Variants in CABIN1 observed in about 807,000 individuals in gnomAD.
CABIN1 encodes calcineurin binding protein 1.
A neutral mutation model predicts 227.7 loss-of-function variants in CABIN1; 133 were observed. That is an observed-to-expected ratio of 0.58 (90% CI 0.51 to 0.67). The LOEUF is 0.67. Among genes scored for constraint, CABIN1 ranks in the 30% least tolerant of loss-of-function variants. CABIN1 has a pLI of 0.00. For missense variants in CABIN1, 2,408 were observed against 2,852.5 expected (o/e 0.84, Z 3.55); for synonymous variants, 1,086 against 1,155.1 (o/e 0.94, Z 1.21).
At chr22:24,165,330 G>A (rs1261467254) in intron 30 of CABIN1, among the ~76,000 whole-genome samples, 200 bp from the exon 31 acceptor site, 2 of 152,210 alleles carry the variant, frequency 1.3e-5, no homozygotes, top group Admixed American at 6.5e-5. Flanking sequence ...GGCTGGTGCC[G>A]GGTCAGAGGC....
intron 13 of CABIN1, 151 bp downstream of exon 13, chr22:24,062,176 TCTC>T (rs2039241107): frequency 4.3e-6 from 3 of 705,156 alleles, no homozygotes; most frequent in East Asian, 2.7e-5. Flanking sequence ...CCCAGGGAAA[TCTC>T]CTGGATACTC....
Position 24,072,263 on chromosome 22 carries a change from G to C in CABIN1, c.2476-91G>C, listed in dbSNP as rs906261741. The C allele has an allele frequency of 5.0e-6, 7 of 1,402,268 alleles. No individual in the cohort carries two copies. The Admixed American group carries it at 7.3e-5, about 15-fold the overall frequency. 86.9% of individuals were successfully genotyped at this position (1,402,268 alleles called of 1,614,324 possible). On this transcript the variant is annotated intron_variant, in intron 17 of 36. Coordinates refer to ENST00000263119, the MANE Select transcript of CABIN1 (RefSeq NM_012295.4). The stretch of plus-strand genomic sequence containing the variant: ...GGGGGTGGGCAGGCAGCACATACCA[G>C]CTCCCCAAGAGGCCTCCTGCCTCCC...
At chr22:24,111,772 T>A (rs1462041013) in intron 26 of CABIN1, among the ~76,000 whole-genome samples, 1 of 152,222 alleles carries the variant, frequency 6.6e-6, no homozygotes, top group East Asian at 1.9e-4. Flanking sequence ...GTCAAAAAAA[T>A]TTTAAGTTGA....
At chr22:24,095,812 G>A (rs1386923611) in intron 24 of CABIN1, 119 bp from the exon 25 acceptor site, 15 of 1,035,852 alleles carry the variant, frequency 1.4e-5, no homozygotes, top group South Asian at 1.3e-5. Flanking sequence ...ACAAAAACAA[G>A]CAGTGTGTGG....
intron 1 of CABIN1, among the ~76,000 whole-genome samples, chr22:24,012,237 A>C (rs774706368): frequency 6.6e-6 from 1 of 152,180 alleles, no homozygotes; most frequent in African/African-American, 2.4e-5. Flanking sequence ...TACATAACAG[A>C]CTAGCTGCGT....
intron 1 of CABIN1, among the ~76,000 whole-genome samples, chr22:24,017,657 A>G (rs2035401307): frequency 6.6e-6 from 1 of 152,170 alleles, no homozygotes; most frequent in South Asian, 2.1e-4. Context: ...ATATTTCGGA[A>G]TTGCCTTCTT....
At chr22:24,157,720 A>G (rs1176445141) in intron 29 of CABIN1, among the ~76,000 whole-genome samples, 3 of 152,186 alleles carry the variant, frequency 2.0e-5, no homozygotes, top group Admixed American at 6.5e-5. Context: ...GGGTCTCCCC[A>G]GGACTGTAGA....
chr22:24,075,009 G>A (rs906054532), intron 18 of CABIN1, among the ~76,000 whole-genome samples: 12 of 152,036 alleles, frequency 7.9e-5, no homozygotes, highest in African/African-American at 1.9e-4. Flanking sequence ...CCCAGGCAAC[G>A]TAGTAAGACC....
intron 29 of CABIN1, among the ~76,000 whole-genome samples, chr22:24,153,846 G>T (rs1260336414): frequency 6.6e-6 from 1 of 152,166 alleles, no homozygotes; most frequent in Non-Finnish European, 1.5e-5. Context: ...TAGCACAGAA[G>T]CCCTGAGCTC....
chr22:24,176,871 G>A (rs1010981685), intron 35 of CABIN1, among the ~76,000 whole-genome samples: 1 of 152,236 alleles, frequency 6.6e-6, no homozygotes, highest in African/African-American at 2.4e-5. Flanking sequence ...GCCCCTGGGG[G>A]CCAGGCATGG....
intron 23 of CABIN1, among the ~76,000 whole-genome samples, chr22:24,090,734 C>T (rs1409309549): frequency 6.6e-6 from 1 of 152,108 alleles, no homozygotes; most frequent in East Asian, 1.9e-4. Context: ...CTAGTGCCTG[C>T]AGACTCATCC....
At chr22:24,094,321 C>T (rs187727455) in intron 24 of CABIN1, among the ~76,000 whole-genome samples, 1 of 152,302 alleles carries the variant, frequency 6.6e-6, no homozygotes, top group East Asian at 1.9e-4. Flanking sequence ...GATGAGCAGG[C>T]AGGATGGTAG....
At chr22:24,172,421 A>G (rs2046872112) in intron 34 of CABIN1, among the ~76,000 whole-genome samples, 1 of 152,320 alleles carries the variant, frequency 6.6e-6, no homozygotes, top group South Asian at 2.1e-4. Context: ...CTGCAAGGCC[A>G]CTGGTATCCG....
intron 29 of CABIN1, among the ~76,000 whole-genome samples, chr22:24,161,816 C>T (rs1035944736): frequency 1.3e-5 from 2 of 152,176 alleles, no homozygotes; most frequent in African/African-American, 4.8e-5. Context: ...CCCCTTCCTC[C>T]TGTGTGGGCC....
intron 1 of CABIN1, among the ~76,000 whole-genome samples, chr22:24,034,798 A>G (rs935632655): frequency 2.6e-5 from 4 of 152,174 alleles, no homozygotes; most frequent in East Asian, 3.8e-4. Context: ...TAGTCTGCCT[A>G]TCTCTAATTA....
chr22:24,125,587 AG>A (rs1176602940), intron 28 of CABIN1, among the ~76,000 whole-genome samples: 1 of 152,220 alleles, frequency 6.6e-6, no homozygotes, highest in African/African-American at 2.4e-5. Context: ...ACACTGACTG[AG>A]CCAGGACCAC....
chr22:24,156,074 C>T (rs2045776370), intron 29 of CABIN1: 2 of 420,754 alleles, frequency 4.8e-6, no homozygotes, highest in South Asian at 6.0e-5. Context: ...GCGGAGCCGG[C>T]GGGTAGGAAC....
intron 26 of CABIN1, among the ~76,000 whole-genome samples, chr22:24,112,254 C>T (rs1421978819): frequency 6.6e-6 from 1 of 152,186 alleles, no homozygotes; most frequent in Non-Finnish European, 1.5e-5. Context: ...ATAGGCTTCC[C>T]TCTTTTGTTT....
intron 26 of CABIN1, among the ~76,000 whole-genome samples, chr22:24,110,802 C>T (rs945173959): frequency 2.8e-4 from 43 of 151,426 alleles, no homozygotes; most frequent in African/African-American, 9.4e-4. Flanking sequence ...ATGTATCTTT[C>T]TCTGACTGCC....
Sources: gnomAD v4.1 joint callset for allele counts (sites outside exome capture counted in the v4.1 genomes callset) on GRCh38, gnomAD v4.1.1 for gene constraint, MANE v1.5 for transcripts, NCBI Gene and HGNC (gene_info 2026-07-23, HGNC 2026-07-21) for gene names.